Variants in GRM8 observed in about 807,000 individuals in gnomAD.
The protein encoded by GRM8 is glutamate metabotropic receptor 8.
A neutral mutation model predicts 87.2 loss-of-function variants in GRM8; 47 were observed. The observed-to-expected ratio is 0.54, with a 90% CI of 0.43 to 0.69. GRM8 has a LOEUF of 0.69. Ranked by LOEUF, GRM8 falls within the 30% of genes least tolerant of loss-of-function variation. The probability of loss-of-function intolerance (pLI) is 0.00; values close to 1 mark genes in which losing one functional copy is unlikely to be tolerated. For missense variants in GRM8, 1,019 were observed against 1,139.2 expected, an observed-to-expected ratio of 0.89 and a Z score of 1.52; for synonymous variants, 396 against 404.5, an observed-to-expected ratio of 0.98 and a Z score of 0.25.
At chr7:126,584,591 T>C (rs561991170) in intron 8 of GRM8, among the ~76,000 whole-genome samples, 1 of 152,342 alleles carries the variant, frequency 6.6e-6, no homozygotes, top group Non-Finnish European at 1.5e-5. Flanking sequence ...AAAATAAGAC[T>C]ACCTTACATT....
At chr7:126,472,685 A>G (rs772098987) in intron 9 of GRM8, among the ~76,000 whole-genome samples, 1 of 152,190 alleles carries the variant, frequency 6.6e-6, no homozygotes, top group Non-Finnish European at 1.5e-5. Flanking sequence ...TGCCACGACA[A>G]TGGGGAAAAT....
intron 3 of GRM8, among the ~76,000 whole-genome samples, chr7:126,937,780 G>A (rs898476660): frequency 6.6e-6 from 1 of 152,162 alleles, no homozygotes; most frequent in Non-Finnish European, 1.5e-5. Flanking sequence ...CTTTAGTGCC[G>A]GGGTCACTGG....
At chr7:126,589,450 C>G (rs1446274894) in intron 8 of GRM8, among the ~76,000 whole-genome samples, 1 of 152,126 alleles carries the variant, frequency 6.6e-6, no homozygotes. Context: ...CAAACCCATC[C>G]CCCACAGCAG....
chr7:126,459,722 T>C (rs1360517521), intron 9 of GRM8, among the ~76,000 whole-genome samples: 3 of 151,446 alleles, frequency 2.0e-5, no homozygotes, highest in African/African-American at 7.3e-5. Context: ...GGGCTATCTC[T>C]GGGGAGCCTG....
At chr7:127,136,402 C>T (rs1254614603) in intron 2 of GRM8, among the ~76,000 whole-genome samples, 1 of 152,094 alleles carries the variant, frequency 6.6e-6, no homozygotes, top group African/African-American at 2.4e-5. Flanking sequence ...ATGTTGTATT[C>T]ATTCTACCTC....
rs182281899 is a variant in GRM8, at chr7:126,579,842, A to G, written c.1494+29520T>C. Among the ~76,000 whole-genome samples, 21 of 152,272 alleles carry G rather than the reference A, an allele frequency of 1.4e-4. No homozygotes were observed. In the East Asian group the frequency reaches 4.1e-3, roughly 29 times the overall value. ...TATTTATTTAATACTCTGTTAATCA[A>G]TGTTATAGAAAAGGTTACTAAGTAA... On this transcript the variant is annotated intron_variant, in intron 8 of 10. Transcript: ENST00000339582.
chr7:127,054,984 G>A (rs936616308), intron 3 of GRM8, among the ~76,000 whole-genome samples: 1 of 151,798 alleles, frequency 6.6e-6, no homozygotes, highest in African/African-American at 2.4e-5. Context: ...CAACCATATG[G>A]TATGACTACC....
At chr7:127,238,306 ATGTG>A (rs3039798) in intron 2 of GRM8, among the ~76,000 whole-genome samples, 19,888 of 146,748 alleles carry the variant, frequency 0.14, 1,448 homozygotes, top group Middle Eastern at 0.25. Context: ...GTGTGTGTGC[ATGTG>A]TGTGTGTGTG....
chr7:126,455,921 C>G (rs368503548), intron 9 of GRM8, among the ~76,000 whole-genome samples: 2 of 150,030 alleles, frequency 1.3e-5, no homozygotes, highest in Admixed American at 6.6e-5. Flanking sequence ...TATAAACATA[C>G]AAAAATAGAT....
chr7:126,889,197 G>C (rs964064421), intron 6 of GRM8, among the ~76,000 whole-genome samples: 3 of 152,068 alleles, frequency 2.0e-5, no homozygotes, highest in Non-Finnish European at 4.4e-5. Context: ...CAGGCATAAA[G>C]GTTGCAACCA....
At chr7:126,790,474 T>C (rs1437669176) in intron 6 of GRM8, among the ~76,000 whole-genome samples, 1 of 152,230 alleles carries the variant, frequency 6.6e-6, no homozygotes, top group Non-Finnish European at 1.5e-5. Flanking sequence ...CAATAGATAA[T>C]ACACCCATCC....
At chr7:127,069,756 T>C (rs898052542) in intron 3 of GRM8, among the ~76,000 whole-genome samples, 5 of 152,228 alleles carry the variant, frequency 3.3e-5, no homozygotes, top group African/African-American at 1.2e-4. Flanking sequence ...TATGGTGTCA[T>C]GATTAAGAGC....
intron 3 of GRM8, among the ~76,000 whole-genome samples, chr7:127,053,328 A>G (rs1157088918): frequency 1.3e-5 from 2 of 152,214 alleles, no homozygotes; most frequent in Admixed American, 1.3e-4. Context: ...GGAATGACCT[A>G]ACAAATCCAT....
intron 7 of GRM8, among the ~76,000 whole-genome samples, chr7:126,751,441 T>C (rs1194345650): frequency 6.6e-6 from 1 of 152,082 alleles, no homozygotes; most frequent in Non-Finnish European, 1.5e-5. Flanking sequence ...GTGCATGTTA[T>C]GTATGTACAT....
intron 6 of GRM8, among the ~76,000 whole-genome samples, chr7:126,790,588 T>C (rs111279008): frequency 0.014 from 2,108 of 152,290 alleles, 19 homozygotes; most frequent in Middle Eastern, 0.024. Flanking sequence ...AAAGTTTACT[T>C]TTTTTCATTA....
intron 2 of GRM8, among the ~76,000 whole-genome samples, chr7:127,226,617 G>A (rs1417575199): frequency 6.6e-6 from 1 of 152,164 alleles, no homozygotes; most frequent in Non-Finnish European, 1.5e-5. Flanking sequence ...AAAAACTCAG[G>A]AAGGTTGCAA....
At chr7:126,680,401 T>C (rs1807419088) in intron 7 of GRM8, among the ~76,000 whole-genome samples, 1 of 152,208 alleles carries the variant, frequency 6.6e-6, no homozygotes, top group African/African-American at 2.4e-5. Flanking sequence ...AATTGAGACT[T>C]GCTTTTTAGT....
intron 8 of GRM8, among the ~76,000 whole-genome samples, chr7:126,564,518 C>T (rs532769960): frequency 1.1e-4 from 17 of 152,178 alleles, no homozygotes; most frequent in African/African-American, 3.6e-4. Context: ...AAAAAACTTA[C>T]CAAGACTGAA....
chr7:126,906,872 C>T (rs988296749), intron 3 of GRM8, among the ~76,000 whole-genome samples: 14 of 152,086 alleles, frequency 9.2e-5, no homozygotes, highest in African/African-American at 1.2e-4. Context: ...GCTAGTCTAC[C>T]GATATACTAC....
Sources: gnomAD v4.1 joint callset for allele counts (sites outside exome capture counted in the v4.1 genomes callset) on GRCh38, gnomAD v4.1.1 for gene constraint, MANE v1.5 for transcripts, NCBI Gene and HGNC (gene_info 2026-07-23, HGNC 2026-07-21) for gene names.